Variants in TRIML1 observed in about 807,000 individuals in gnomAD.
TRIML1 encodes probable E3 ubiquitin-protein ligase TRIML1.
A neutral mutation model predicts 32.3 loss-of-function variants in TRIML1; 34 were observed. That is an observed-to-expected ratio of 1.05 (90% CI 0.80 to 1.40). The LOEUF (loss-of-function observed/expected upper bound fraction) is 1.40. TRIML1 is among the 40% of genes most tolerant of loss of function. The pLI, the probability that TRIML1 is intolerant of heterozygous loss-of-function variation, is 0.00. For missense variants in TRIML1, 595 were observed against 574.9 expected, an observed-to-expected ratio of 1.03 and a Z score of -0.36; for synonymous variants, 244 against 226.6, an observed-to-expected ratio of 1.08 and a Z score of -0.69.
At chr4:188,142,115 CAAAAA>C (rs34286328) in intron 2 of TRIML1, 132 bp from the exon 3 acceptor site, 633 of 468,992 alleles carry the variant, frequency 1.3e-3, no homozygotes, top group Middle Eastern at 1.8e-3. Flanking sequence ...GACTCCATCT[CAAAAA>C]AAAAAAAAAA....
Position 188,139,605 on chromosome 4 carries a change from G to A in TRIML1, c.47G>A (p.Cys16Tyr), listed in dbSNP as rs1287575540. Reference protein sequence around the residue: ...LMENLREELTCFICLDYFSSP... With the variant: ...LMENLREELTYFICLDYFSSP... Reference sequence around the variant, plus strand: ...GAGAACCTCAGGGAGGAACTCACCTGTTTCATCTGCTTAGACTATTTCAGC... The same window carrying A: ...GAGAACCTCAGGGAGGAACTCACCTATTTCATCTGCTTAGACTATTTCAGC... The change falls in exon 1 of 6, where the codon TGT becomes TAT. Residue 16 changes from cysteine (C) to tyrosine (Y), a missense_variant. By Grantham distance (194) the Cys-to-Tyr change is radical (BLOSUM62 -2). Coordinates refer to ENST00000332517, the MANE Select transcript of TRIML1 (RefSeq NM_178556.5). 1.9e-6 allele frequency: 3 copies of A among 1,609,958 alleles called. No homozygotes were observed. The highest frequency in any genetic ancestry group is 2.5e-6 in the Non-Finnish European group (3 of 1,177,730).
At position 188,143,838 on chromosome 4, in the gene TRIML1, GAA is replaced by G; in HGVS notation, c.737_738del (p.Glu246GlyfsTer50). On this transcript the variant is annotated frameshift_variant and splice_region_variant, in exon 4 of 6. Transcript: ENST00000332517. LOFTEE classifies it high-confidence loss of function. ...TAACTTCTTTCTTTTTTACCCGTAGGAAGTGAGAGGAGCCCTGGAAAGGTAGG... is the reference window on the plus strand; with the variant it reads ...TAACTTCTTTCTTTTTTACCCGTAGGGTGAGAGGAGCCCTGGAAAGGTAGG... ...SQSSAFESLE[E>X]VRGALERSEP... 1 of 1,614,140 alleles carries G rather than the reference GAA, an allele frequency of 6.2e-7. No individual in the cohort carries two copies. Among genetic ancestry groups the G allele is most frequent in the Middle Eastern group, 1.7e-4 (1 of 6,058 alleles).
chr4:188,142,336 C>G lies in TRIML1; in HGVS notation c.589C>G (p.Leu197Val). 1.2e-6 allele frequency: 2 copies of G among 1,612,986 alleles called. No homozygotes were observed. Among genetic ancestry groups the G allele is most frequent in the Non-Finnish European group, 1.7e-6 (2 of 1,179,786 alleles). The stretch of plus-strand genomic sequence containing the variant: ...CCTGAAGGAAGAGGAGCAGCTGCAA[C>G]TCCAGCTACTAGAACAGGAAGAGAA... ...QFLKEEEQLQ[L>V]QLLEQEEKEN... is the part of the protein sequence containing the mutation. The change falls in exon 3 of 6, where the codon CTC becomes GTC. Residue 197 changes from leucine to valine, a missense_variant. Coordinates refer to ENST00000332517, the MANE Select transcript of TRIML1 (RefSeq NM_178556.5).
In TRIML1 at chr4:188,147,348, CT is replaced by C. The variant is rs778871712; in HGVS notation, c.1384del (p.Cys462AlafsTer3). The C allele has an allele frequency of 6.6e-7, 1 of 1,509,878 alleles. No homozygotes were observed. The highest frequency in any genetic ancestry group is 8.8e-7 in the Non-Finnish European group (1 of 1,130,860). The allele number at this position is 1,509,878 out of a possible 1,614,324, so 93.5% of individuals were successfully genotyped here. On this transcript the variant is annotated frameshift_variant, in exon 6 of 6. Coordinates refer to ENST00000332517, the MANE Select transcript of TRIML1 (RefSeq NM_178556.5). LOFTEE classifies it high-confidence loss of function. Reference protein sequence around the residue: ...EGTNTDPLTICSLNSHV With the variant: ...EGTNTDPLTIXSLNSHV ...GGACAAACACAGACCCTCTCACCATCTGCTCACTGAACAGCCACGTCTGAGG... is the reference window on the plus strand; with the variant it reads ...GGACAAACACAGACCCTCTCACCATCGCTCACTGAACAGCCACGTCTGAGG...
chr4:188,145,192 C>G (rs1305347643), intron 5 of TRIML1, among the ~76,000 whole-genome samples: 2 of 151,942 alleles, frequency 1.3e-5, no homozygotes, highest in Non-Finnish European at 2.9e-5. Context: ...AATCCCAGCA[C>G]TTTGGGAGGC....
chr4:188,140,339 C>CT (rs890630568), intron 1 of TRIML1, among the ~76,000 whole-genome samples, 189 bp from the exon 2 acceptor site: 2 of 152,112 alleles, frequency 1.3e-5, no homozygotes, highest in Non-Finnish European at 2.9e-5. Context: ...CCAGGCTGGT[C>CT]TTGAACTCCT....
At chr4:188,150,503 C>G (rs532196399), downstream of TRIML1, among the ~76,000 whole-genome samples, 7 of 152,286 alleles carry the variant, frequency 4.6e-5, no homozygotes, top group East Asian at 1.9e-4. Flanking sequence ...AAAAAGCAAA[C>G]AGCAACCATT....
Position 188,139,923 on chromosome 4 carries a change from C to A in TRIML1, c.365C>A (p.Ala122Glu), listed in dbSNP as rs1257657175. ...GSAFVAQSHG[A>E]NRVHLSSEAE... is the part of the protein sequence containing the mutation. ...GCCTTCGTAGCCCAGAGCCATGGTG[C>A]AAACAGAGTGCATCTCTCCAGCGAG... Residue 122 changes from alanine (A) to glutamate (E), a missense_variant, in exon 1 of 6, where the codon GCA becomes GAA. By Grantham distance (107) the Ala-to-Glu change is moderately radical (BLOSUM62 -1). Coordinates refer to ENST00000332517, the MANE Select transcript of TRIML1 (RefSeq NM_178556.5). The A allele has an allele frequency of 1.2e-6, 2 of 1,613,220 alleles. No homozygotes were observed. Among genetic ancestry groups the A allele is most frequent in the African/African-American group, 1.3e-5 (1 of 74,910 alleles).
In TRIML1 at chr4:188,142,482, G is replaced by A; in HGVS notation, c.735G>A (p.Glu245=). ...AAAGCTCGGCTTTCGAATCTCTTGA[G>A]GTGAGAATAACATTCATGAGAGTAA... ...SSQSSAFESL[E]EVRGALERSE... is the part of the protein sequence containing the mutation. The change falls in exon 3 of 6, where the codon GAG becomes GAA. Residue 245 remains glutamate, a splice_region_variant and synonymous_variant. Coordinates refer to ENST00000332517, the MANE Select transcript of TRIML1 (RefSeq NM_178556.5). The A allele has an allele frequency of 6.2e-7, 1 of 1,611,158 alleles. No individual in the cohort carries two copies. Among genetic ancestry groups the A allele is most frequent in the Admixed American group, 1.7e-5 (1 of 59,886 alleles).
At chr4:188,139,395 G>A, upstream of TRIML1, 1 of 675,208 alleles carries the variant, frequency 1.5e-6, no homozygotes, top group East Asian at 2.7e-5. Flanking sequence ...GTTGGACAGT[G>A]TATGTCAGCT....
rs368183736 is a variant in TRIML1 at position 188,142,463 on chromosome 4, C to G, written c.716C>G (p.Ser239Trp). The stretch of plus-strand genomic sequence containing the variant: ...CAGATTGAGTCCTCAAGTCAAAGCT[C>G]GGCTTTCGAATCTCTTGAGGTGAGA... Reference protein sequence around the residue: ...IAQIESSSQSSAFESLEEVRG... With the variant: ...IAQIESSSQSWAFESLEEVRG... The change falls in exon 3 of 6, where the codon TCG becomes TGG. Residue 239 changes from serine to tryptophan, a missense_variant. Coordinates refer to ENST00000332517, the MANE Select transcript of TRIML1 (RefSeq NM_178556.5). The G allele has an allele frequency of 6.8e-6, 11 of 1,613,450 alleles. No individual in the cohort carries two copies. The highest frequency in any genetic ancestry group is 9.3e-6 in the Non-Finnish European group (11 of 1,179,862).
intron 2 of TRIML1, among the ~76,000 whole-genome samples, chr4:188,141,275 C>G (rs1734845636): frequency 6.7e-6 from 1 of 148,482 alleles, no homozygotes; most frequent in Non-Finnish European, 1.5e-5. Context: ...TCAAGTGATT[C>G]TCCTGCCTCA....
At chr4:188,146,688 C>T (rs964642517) in intron 5 of TRIML1, 134 bp from the exon 6 acceptor site, 14 of 653,516 alleles carry the variant, frequency 2.1e-5, no homozygotes, top group East Asian at 2.1e-4. Context: ...ATTACAGGCG[C>T]GAGCCATCAC....
chr4:188,148,311 T>C (rs954442021), downstream of TRIML1, among the ~76,000 whole-genome samples: 1 of 151,754 alleles, frequency 6.6e-6, no homozygotes, highest in African/African-American at 2.4e-5. Context: ...CTGACCAACA[T>C]GGAGAAACCC....
chr4:188,142,207 CGTGTGTGTGTGTGTGTGTGTGTGT>C, intron 2 of TRIML1, 21 bp from the exon 3 acceptor site: 3 of 1,013,082 alleles, frequency 3.0e-6, no homozygotes, highest in South Asian at 1.4e-5. Context: ...AACTTTATCT[CGTGTGTGTGTGTGTGTGTGTGTGT>C]GTGTGTGTGT....
intron 5 of TRIML1, among the ~76,000 whole-genome samples, chr4:188,144,711 C>A (rs12507839): frequency 0.17 from 25,616 of 151,916 alleles, 2,295 homozygotes; most frequent in Admixed American, 0.22. Context: ...TCCATCCCCC[C>A]CTTGCACGTG....
At chr4:188,146,728 A>G in intron 5 of TRIML1, 94 bp from the exon 6 acceptor site, 1 of 1,043,474 alleles carries the variant, frequency 9.6e-7, no homozygotes. Flanking sequence ...TTAAAAAACC[A>G]GGACTAAATA....
upstream of TRIML1, among the ~76,000 whole-genome samples, chr4:188,139,051 T>C (rs144060375): frequency 7.9e-5 from 12 of 152,324 alleles, no homozygotes; most frequent in East Asian, 2.3e-3. Context: ...ATTACAGTTT[T>C]CTTCTCTCAG....
At chr4:188,148,200 A>C (rs147133767), downstream of TRIML1, among the ~76,000 whole-genome samples, 21 of 152,160 alleles carry the variant, frequency 1.4e-4, no homozygotes, top group East Asian at 3.9e-3. Context: ...CTTATCTCAA[A>C]ACGTCAGGGT....
Sources: allele counts gnomAD v4.1 joint callset (sites outside exome capture counted in the v4.1 genomes callset), GRCh38; gene constraint gnomAD v4.1.1; transcripts MANE v1.5; gene names NCBI Gene and HGNC (gene_info 2026-07-23, HGNC 2026-07-21).